GSE1: variants seen among roughly 807,000 people sequenced by gnomAD.
The protein encoded by GSE1 is Gse1 coiled-coil protein.
In GSE1, 32 loss-of-function variants were observed where a neutral mutation model predicts 112.6. The observed-to-expected ratio is 0.28, with a 90% CI of 0.21 to 0.38. GSE1 has a LOEUF of 0.38. GSE1 is among the 10% of genes least tolerant of loss of function. The probability of loss-of-function intolerance (pLI) is 1.00; values close to 1 mark genes in which losing one functional copy is unlikely to be tolerated. For missense variants in GSE1, 2,348 were observed against 1,699.2 expected (o/e 1.38, Z -6.71); for synonymous variants, 1,115 against 735.6 (o/e 1.52, Z -8.35).
chr16:85,651,239 G>A (rs1037065517), intron 3 of GSE1, among the ~76,000 whole-genome samples: 7 of 151,940 alleles, frequency 4.6e-5, no homozygotes, highest in African/African-American at 7.3e-5. Flanking sequence ...GGTAGCTGCC[G>A]AGCCTGCCGG....
intron 1 of GSE1, among the ~76,000 whole-genome samples, chr16:85,348,808 G>A (rs2046795280): frequency 1.3e-5 from 2 of 152,198 alleles, no homozygotes; most frequent in Admixed American, 1.3e-4. Context: ...GCCTGGGACA[G>A]AACTGCCTTT....
chr16:85,667,272 C>T (rs1276256482), intron 13 of GSE1, among the ~76,000 whole-genome samples: 1 of 151,988 alleles, frequency 6.6e-6, no homozygotes, highest in African/African-American at 2.4e-5. Flanking sequence ...TAAACTGTTT[C>T]CTCTAGATTT....
At chr16:85,306,897 A>G (rs957536662) in intron 1 of GSE1, among the ~76,000 whole-genome samples, 2 of 152,354 alleles carry the variant, frequency 1.3e-5, no homozygotes, top group Admixed American at 1.3e-4. Context: ...AGGCGGGAGC[A>G]TACAGGCCTG....
intron 1 of GSE1, among the ~76,000 whole-genome samples, chr16:85,238,519 G>C (rs1904899498): frequency 6.6e-6 from 1 of 152,186 alleles, no homozygotes. Context: ...GTGTGTCCTG[G>C]GAAGGGGCGT....
At chr16:85,339,071 C>T (rs2046566705) in intron 1 of GSE1, among the ~76,000 whole-genome samples, 1 of 152,170 alleles carries the variant, frequency 6.6e-6, no homozygotes, top group South Asian at 2.1e-4. Context: ...GGTGGATGCC[C>T]CCAACCCTGC....
At chr16:85,589,515 G>A (rs1008128382) in intron 1 of GSE1, among the ~76,000 whole-genome samples, 5 of 152,238 alleles carry the variant, frequency 3.3e-5, no homozygotes, top group African/African-American at 1.2e-4. Flanking sequence ...ATCTCTGGAA[G>A]GTGGGGCGGG....
At chr16:85,234,809 G>C (rs1175104048) in intron 1 of GSE1, among the ~76,000 whole-genome samples, 1 of 152,138 alleles carries the variant, frequency 6.6e-6, no homozygotes, top group Non-Finnish European at 1.5e-5. Flanking sequence ...GGGTGGGGTG[G>C]AGGCGGTGGG....
upstream of GSE1, chr16:85,555,196 C>G (rs2045140064): frequency 3.0e-6 from 3 of 985,298 alleles, no homozygotes; most frequent in Admixed American, 6.1e-5. Context: ...AGGCAGCCAG[C>G]TTTCCAATTT....
At position 85,407,970 on chromosome 16, in the gene GSE1, T is replaced by C. The variant is rs1351355949; in HGVS notation, c.2464+50327T>C. On this transcript the variant is annotated intron_variant, in intron 2 of 2. Transcript: ENST00000637419. ...TCCTCACCGTTACACTCAGGGTCCCTCTGATAATCCTCACTGTTACACTCA... is the reference window on the plus strand; with the variant it reads ...TCCTCACCGTTACACTCAGGGTCCCCCTGATAATCCTCACTGTTACACTCA... Among the ~76,000 whole-genome samples, 10 of 31,344 alleles carry C rather than the reference T, an allele frequency of 3.2e-4. 1 individual carries two copies. The highest frequency in any genetic ancestry group is 5.3e-4 in the Non-Finnish European group (8 of 15,108). 20.6% of individuals were successfully genotyped at this position (31,344 alleles called of 152,430 possible). A position where few individuals can be genotyped will look rare whatever the true frequency, so the allele number is the denominator to read the frequency against.
chr16:85,489,994 G>C (rs1158655133), intron 2 of GSE1: 2 of 152,334 alleles, frequency 1.3e-5, no homozygotes, highest in African/African-American at 4.8e-5. Flanking sequence ...AGCCTTCTGT[G>C]GGGGCACAGC....
intron 2 of GSE1, among the ~76,000 whole-genome samples, chr16:85,361,551 TGGCACTGG>T (rs1364420648): frequency 6.6e-6 from 1 of 152,198 alleles, no homozygotes; most frequent in African/African-American, 2.4e-5. Context: ...GGCCCCACCC[TGGCACTGG>T]CTGGGGCAGG....
intron 1 of GSE1, among the ~76,000 whole-genome samples, chr16:85,559,209 C>T (rs1331914135): frequency 2.6e-5 from 4 of 152,184 alleles, no homozygotes; most frequent in African/African-American, 9.7e-5. Context: ...TTTGTGGGCT[C>T]TCTGTAGATC....
rs139131845 is a variant in GSE1, at chr16:85,661,408, G to C, written c.1903G>C (p.Glu635Gln). Reference protein sequence around the residue: ...VERVFCPEKAEEGPRKREPAP... With the variant: ...VERVFCPEKAQEGPRKREPAP... ...GCGGGTCTTCTGCCCGGAGAAAGCAGAGGAGGGGCCACGGAAGCGTGAGCC... is the reference window on the plus strand; with the variant it reads ...GCGGGTCTTCTGCCCGGAGAAAGCACAGGAGGGGCCACGGAAGCGTGAGCC... The change falls in exon 9 of 16, where the codon GAG becomes CAG. Residue 635 changes from glutamate to glutamine, a missense_variant. By Grantham distance (29) the Glu-to-Gln change is conservative. Transcript: ENST00000253458. 7.5e-5 allele frequency: 121 copies of C among 1,612,240 alleles called. No individual in the cohort carries two copies. Among genetic ancestry groups the C allele is most frequent in the Non-Finnish European group, 9.9e-5 (117 of 1,179,764 alleles).
chr16:85,620,645 C>A (rs1448767224), intron 1 of GSE1, among the ~76,000 whole-genome samples: 1 of 152,286 alleles, frequency 6.6e-6, no homozygotes, highest in Non-Finnish European at 1.5e-5. Flanking sequence ...AACAGGGTTT[C>A]GGAATCAGCC....
Position 85,373,820 on chromosome 16 carries a change from T to A in GSE1, c.2464+16177T>A, listed in dbSNP as rs2047353541. On this transcript the variant is annotated intron_variant, in intron 2 of 2. Coordinates refer to the GSE1 transcript ENST00000637419. The surrounding 1 kb of genome is among the most constrained non-coding windows in gnomAD (Gnocchi z 5.1). ...GCCCAGGGCAGGGTGATTGTGCTCC[T>A]GCCCCACGGTGCCCCACGGTTACCA... Among the ~76,000 whole-genome samples, 1 of 152,154 alleles carries A rather than the reference T, an allele frequency of 6.6e-6. No homozygotes were observed.
chr16:85,485,383 C>A (rs753421307), intron 2 of GSE1, among the ~76,000 whole-genome samples: 3 of 152,182 alleles, frequency 2.0e-5, no homozygotes, highest in Non-Finnish European at 4.4e-5. Context: ...ACACCAGGGG[C>A]GGTGGGGAGC....
upstream of GSE1, among the ~76,000 whole-genome samples, chr16:85,610,889 G>A (rs553240629): frequency 6.6e-6 from 1 of 152,258 alleles, no homozygotes; most frequent in Non-Finnish European, 1.5e-5. Flanking sequence ...GGAGCTAGAT[G>A]TATACGCCGG....
chr16:85,386,657 C>G (rs1350424857), intron 2 of GSE1, among the ~76,000 whole-genome samples: 1 of 152,206 alleles, frequency 6.6e-6, no homozygotes, highest in African/African-American at 2.4e-5. Context: ...TTTTGTGACC[C>G]GAGTGTTCAG....
chr16:85,291,069 A>G (rs1319466446), intron 1 of GSE1, among the ~76,000 whole-genome samples: 1 of 152,272 alleles, frequency 6.6e-6, no homozygotes, highest in East Asian at 1.9e-4. Context: ...CACACATGTG[A>G]CATCCAGCAT....
Sources: gnomAD v4.1 joint callset for allele counts (sites outside exome capture counted in the v4.1 genomes callset) on GRCh38, gnomAD v4.1.1 for gene constraint, Gnocchi (gnomAD v3.1) non-coding constraint, MANE v1.5 for transcripts, NCBI Gene and HGNC (gene_info 2026-07-23, HGNC 2026-07-21) for gene names.